Variants in THSD4 observed in about 807,000 individuals in gnomAD.
THSD4 encodes thrombospondin type 1 domain containing 4, also known as thrombospondin type-1 domain-containing protein 4.
A neutral mutation model predicts 119.0 loss-of-function variants in THSD4; 69 were observed. The observed-to-expected ratio is 0.58, with a 90% CI of 0.48 to 0.71. The LOEUF is 0.71. Among genes scored for constraint, THSD4 ranks in the 30% least tolerant of loss-of-function variants. The pLI is 0.00. For missense variants in THSD4, 1,393 were observed against 1,391.1 expected, an observed-to-expected ratio of 1.00 and a Z score of -0.02; for synonymous variants, 524 against 540.4, an observed-to-expected ratio of 0.97 and a Z score of 0.42.
intron 7 of THSD4, chr15:71,547,289 G>A: frequency 6.7e-7 from 1 of 1,491,704 alleles, no homozygotes; most frequent in Non-Finnish European, 8.9e-7. Flanking sequence ...AGAGCCGAGG[G>A]AACCAGCGCG....
intron 7 of THSD4, among the ~76,000 whole-genome samples, chr15:71,431,364 A>G (rs1246791563): frequency 2.6e-5 from 4 of 152,318 alleles, no homozygotes; most frequent in East Asian, 1.9e-4. Flanking sequence ...GCAGAGGTCT[A>G]TATTTCAGGG....
chr15:71,553,783 A>G (rs1183759897), intron 7 of THSD4, among the ~76,000 whole-genome samples: 1 of 152,212 alleles, frequency 6.6e-6, no homozygotes, highest in Non-Finnish European at 1.5e-5. Context: ...CAAAATGCTC[A>G]TATGAGTTGT....
intron 7 of THSD4, among the ~76,000 whole-genome samples, chr15:71,612,289 G>C (rs769355264): frequency 6.6e-6 from 1 of 152,194 alleles, no homozygotes; most frequent in African/African-American, 2.4e-5. Context: ...GAGGTCAGTC[G>C]GATGAGCTCA....
chr15:71,625,181 T>C (rs1287162308), intron 7 of THSD4, among the ~76,000 whole-genome samples: 4 of 152,146 alleles, frequency 2.6e-5, no homozygotes, highest in Non-Finnish European at 5.9e-5. Context: ...CTAATTTTTG[T>C]ATTTTTAGTA....
In THSD4 at chr15:71,420,707, C is replaced by G. The variant is rs1428031842; in HGVS notation, c.1152+8884C>G. Among the ~76,000 whole-genome samples, 2 of 107,506 alleles carry G rather than the reference C, an allele frequency of 1.9e-5. 1 individual carries two copies. The highest frequency in any genetic ancestry group is 6.3e-5 in the African/African-American group (2 of 31,524). The allele number at this position is 107,506 out of a possible 152,430, so 70.5% of individuals were successfully genotyped here. A position where few individuals can be genotyped will look rare whatever the true frequency, so the allele number is the denominator to read the frequency against. On this transcript the variant is annotated intron_variant, in intron 7 of 17. Coordinates refer to ENST00000261862, the MANE Select transcript of THSD4 (RefSeq NM_024817.3). The stretch of plus-strand genomic sequence containing the variant: ...GTTCATTATTTTAAACTGATTATCA[C>G]TTAACATTTATTGCAATTAACAAAC...
At chr15:71,393,532 C>G (rs1170996782) in intron 6 of THSD4, among the ~76,000 whole-genome samples, 1 of 152,016 alleles carries the variant, frequency 6.6e-6, no homozygotes, top group Non-Finnish European at 1.5e-5. Flanking sequence ...GGAATCAGCC[C>G]CTTACCCGTG....
intron 6 of THSD4, among the ~76,000 whole-genome samples, chr15:71,379,738 G>C (rs376411879): frequency 9.9e-4 from 150 of 151,970 alleles, no homozygotes; most frequent in African/African-American, 3.3e-3. Context: ...GATTACAGGC[G>C]TGAGCCACCG....
chr15:71,151,089 G>GT (rs1440261678), intron 2 of THSD4, among the ~76,000 whole-genome samples: 14 of 152,122 alleles, frequency 9.2e-5, no homozygotes, highest in Non-Finnish European at 1.5e-5. Context: ...AGGGACCACT[G>GT]TTTTTTGTAG....
In THSD4 at chr15:71,418,521, G is replaced by A. The variant is rs1269778166; in HGVS notation, c.1152+6698G>A. ...TTGACATCAATTGAAAGGTCATATGGTTTTTGTCCTTCATTCTGTTGCTAT... is the reference window on the plus strand; with the variant it reads ...TTGACATCAATTGAAAGGTCATATGATTTTTGTCCTTCATTCTGTTGCTAT... On this transcript the variant is annotated intron_variant, in intron 7 of 17. Coordinates refer to ENST00000261862, the MANE Select transcript of THSD4 (RefSeq NM_024817.3). Among the ~76,000 whole-genome samples, 10 of 109,204 alleles carry A rather than the reference G, an allele frequency of 9.2e-5. 2 individuals are homozygous for A. The highest frequency in any genetic ancestry group is 2.5e-4 in the African/African-American group (8 of 32,274). 71.6% of individuals were successfully genotyped at this position (109,204 alleles called of 152,430 possible).
chr15:71,746,249 G>C (rs1295967247), intron 12 of THSD4, among the ~76,000 whole-genome samples: 1 of 151,166 alleles, frequency 6.6e-6, no homozygotes, highest in African/African-American at 2.4e-5. Context: ...TTTTTAATTA[G>C]ATAAAAATCA....
intron 7 of THSD4, among the ~76,000 whole-genome samples, chr15:71,467,316 T>G (rs1352619262): frequency 2.0e-5 from 3 of 152,174 alleles, no homozygotes; most frequent in Non-Finnish European, 2.9e-5. Flanking sequence ...ACAAGAGAAG[T>G]GCAAATTTAT....
At chr15:71,617,670 T>G (rs1033798472) in intron 7 of THSD4, among the ~76,000 whole-genome samples, 2 of 152,188 alleles carry the variant, frequency 1.3e-5, no homozygotes, top group East Asian at 3.9e-4. Context: ...ATACAGATGT[T>G]ATTACCTCTG....
At chr15:71,268,421 A>G (rs1567176075) in intron 6 of THSD4, among the ~76,000 whole-genome samples, 1 of 152,216 alleles carries the variant, frequency 6.6e-6, no homozygotes, top group Non-Finnish European at 1.5e-5. Flanking sequence ...GAACAAAGAC[A>G]TAACGTACCA....
At chr15:71,267,981 A>AG (rs938422363) in intron 6 of THSD4, among the ~76,000 whole-genome samples, 5 of 152,212 alleles carry the variant, frequency 3.3e-5, no homozygotes, top group African/African-American at 1.2e-4. Context: ...AGACCTACAA[A>AG]GGGACTTAGA....
chr15:71,262,803 C>T (rs926228540), intron 6 of THSD4, among the ~76,000 whole-genome samples: 1 of 152,138 alleles, frequency 6.6e-6, no homozygotes, highest in Non-Finnish European at 1.5e-5. Context: ...ATGACAAAAG[C>T]TTGCCTGCTG....
At chr15:71,526,436 T>C (rs948759123) in intron 7 of THSD4, among the ~76,000 whole-genome samples, 3 of 151,306 alleles carry the variant, frequency 2.0e-5, no homozygotes, top group African/African-American at 7.3e-5. Context: ...TAGACAGAAA[T>C]GCAGTCGTTT....
At chr15:71,241,690 G>A (rs1467330236) in intron 4 of THSD4, among the ~76,000 whole-genome samples, 1 of 152,122 alleles carries the variant, frequency 6.6e-6, no homozygotes, top group African/African-American at 2.4e-5. Flanking sequence ...CACCATAGGA[G>A]TGGGCAAATG....
At chr15:71,682,912 T>C (rs2051821910) in intron 8 of THSD4, among the ~76,000 whole-genome samples, 3 of 94,256 alleles carry the variant, frequency 3.2e-5, no homozygotes, top group South Asian at 7.1e-4. Flanking sequence ...TTCTTTCTTC[T>C]TCTTCTTCTT....
chr15:71,403,421 C>G (rs1383607918), intron 6 of THSD4, among the ~76,000 whole-genome samples: 1 of 152,048 alleles, frequency 6.6e-6, no homozygotes, highest in Non-Finnish European at 1.5e-5. Context: ...TTGAGAAATC[C>G]AATACTATTT....
Sources: allele counts gnomAD v4.1 joint callset (sites outside exome capture counted in the v4.1 genomes callset), GRCh38; gene constraint gnomAD v4.1.1; transcripts MANE v1.5; gene names NCBI Gene and HGNC (gene_info 2026-07-23, HGNC 2026-07-21).